ZNF385D: variants seen among roughly 807,000 people sequenced by gnomAD.
ZNF385D encodes the protein zinc finger protein 385D.
ZNF385D carries 15 observed loss-of-function variants against 35.8 expected under a neutral mutation model. The observed-to-expected ratio is 0.42, with a 90% CI of 0.28 to 0.64. The LOEUF (loss-of-function observed/expected upper bound fraction) is 0.64, where lower values mean the gene tolerates loss of function less well. ZNF385D is among the 30% of genes least tolerant of loss of function. The probability of loss-of-function intolerance (pLI) is 0.23; values close to 1 mark genes in which losing one functional copy is unlikely to be tolerated. For missense variants in ZNF385D, 474 were observed against 494.6 expected (o/e 0.96, Z 0.39); for synonymous variants, 212 against 186.8 (o/e 1.13, Z -1.10).
At chr3:22,044,663 T>C (rs1299414559) in intron 3 of ZNF385D, among the ~76,000 whole-genome samples, 1 of 152,076 alleles carries the variant, frequency 6.6e-6, no homozygotes, top group African/African-American at 2.4e-5. Context: ...AGGGCACAGA[T>C]TTATCCTTTG....
At chr3:22,223,459 C>T (rs1364746944) in intron 2 of ZNF385D, among the ~76,000 whole-genome samples, 1 of 151,996 alleles carries the variant, frequency 6.6e-6, no homozygotes, top group East Asian at 1.9e-4. Flanking sequence ...GGATTGAACA[C>T]TATTTTTTCT....
Position 21,506,836 on chromosome 3 carries a change from G to T in ZNF385D, c.439+4025C>A, listed in dbSNP as rs545402337. The stretch of plus-strand genomic sequence containing the variant: ...TCATTAGATCACAAGAACTAAAATT[G>T]TTCTTTAACGTTAGGAAGTGTGTTT... On this transcript the variant is annotated intron_variant, in intron 4 of 7. Coordinates refer to ENST00000281523, the MANE Select transcript of ZNF385D (RefSeq NM_024697.3). Among the ~76,000 whole-genome samples the T allele has an allele frequency of 2.6e-5, 4 of 152,190 alleles. No homozygotes were observed. The South Asian group carries it at 6.2e-4, about 24-fold the overall frequency.
At chr3:21,817,831 T>A (rs142672577) in intron 3 of ZNF385D, among the ~76,000 whole-genome samples, 1 of 152,144 alleles carries the variant, frequency 6.6e-6, no homozygotes, top group Non-Finnish European at 1.5e-5. Flanking sequence ...TGGGTATATA[T>A]CCAAAGGATT....
chr3:21,517,525 C>T (rs114397702), intron 3 of ZNF385D, among the ~76,000 whole-genome samples: 190 of 152,242 alleles, frequency 1.2e-3, no homozygotes, highest in African/African-American at 4.3e-3. Context: ...GTGTTAAATA[C>T]ATTGGCATAA....
At chr3:21,712,612 C>T (rs1050400684) in intron 1 of ZNF385D, among the ~76,000 whole-genome samples, 2 of 152,046 alleles carry the variant, frequency 1.3e-5, no homozygotes, top group African/African-American at 2.4e-5. Context: ...ATTTCACTGT[C>T]TATATATATT....
chr3:22,301,506 T>C (rs191591260), intron 2 of ZNF385D, among the ~76,000 whole-genome samples: 45 of 152,214 alleles, frequency 3.0e-4, no homozygotes, highest in African/African-American at 1.1e-3. Flanking sequence ...TGTATATATA[T>C]TTCAAAACAT....
intron 2 of ZNF385D, among the ~76,000 whole-genome samples, chr3:22,287,915 G>T (rs771764536): frequency 1.3e-4 from 20 of 151,764 alleles, no homozygotes; most frequent in Non-Finnish European, 2.8e-4. Flanking sequence ...TAAAAATTTT[G>T]TTAGCACTTT....
At chr3:21,900,271 C>T (rs1411462867) in intron 3 of ZNF385D, among the ~76,000 whole-genome samples, 1 of 152,052 alleles carries the variant, frequency 6.6e-6, no homozygotes, top group Non-Finnish European at 1.5e-5. Flanking sequence ...GCAAATTTAA[C>T]TCTAGTTGGA....
At chr3:22,025,391 A>T (rs996242723) in intron 3 of ZNF385D, among the ~76,000 whole-genome samples, 4 of 152,088 alleles carry the variant, frequency 2.6e-5, no homozygotes, top group African/African-American at 7.2e-5. Flanking sequence ...TGACGTTGAG[A>T]GTGTGACCCA....
intron 3 of ZNF385D, among the ~76,000 whole-genome samples, chr3:21,758,738 CTCTT>C (rs2070459059): frequency 6.6e-6 from 1 of 152,124 alleles, no homozygotes; most frequent in Middle Eastern, 3.4e-3. Flanking sequence ...TCTCATGCCT[CTCTT>C]TCTTTTTCTT....
chr3:22,139,315 C>A (rs577646967), intron 3 of ZNF385D, among the ~76,000 whole-genome samples: 6 of 152,164 alleles, frequency 3.9e-5, no homozygotes, highest in African/African-American at 1.4e-4. Context: ...CACATGTACA[C>A]ATATGTTTAA....
At chr3:22,078,927 G>C (rs1488504118) in intron 3 of ZNF385D, among the ~76,000 whole-genome samples, 2 of 152,004 alleles carry the variant, frequency 1.3e-5, no homozygotes, top group Admixed American at 1.3e-4. Context: ...GTCAAAAAAT[G>C]TGTGGAAATT....
chr3:21,953,958 G>C (rs1218280735), intron 3 of ZNF385D, among the ~76,000 whole-genome samples: 1 of 151,986 alleles, frequency 6.6e-6, no homozygotes, highest in African/African-American at 2.4e-5. Context: ...TGCTGAGCCA[G>C]ATTTATAAAA....
chr3:22,113,030 C>T lies in ZNF385D; in HGVS notation c.325+55787G>A, dbSNP rs149700691. Among the ~76,000 whole-genome samples the T allele has an allele frequency of 2.0e-4, 30 of 152,120 alleles. No homozygotes were observed. In the East Asian group the frequency reaches 4.3e-3, roughly 22 times the overall value. ...TGGTCAACCCCAACAATCTCTCGGT[C>T]GCATTTGTGGAAATGAAGTAGATTG... On this transcript the variant is annotated intron_variant, in intron 3 of 5. Transcript: ENST00000494108.
At chr3:21,554,580 AT>A (rs2062670561) in intron 3 of ZNF385D, among the ~76,000 whole-genome samples, 1 of 152,216 alleles carries the variant, frequency 6.6e-6, no homozygotes, top group African/African-American at 2.4e-5. Context: ...CCTTTGAAGC[AT>A]TAAAGCCAGA....
chr3:21,658,028 TAAA>T (rs1265506898), intron 2 of ZNF385D, among the ~76,000 whole-genome samples: 1 of 151,960 alleles, frequency 6.6e-6, no homozygotes, highest in East Asian at 1.9e-4. Context: ...CCAAAGATAA[TAAA>T]AACGTGAAAT....
chr3:21,424,301 T>TTATTTATATATATATA (rs1444235124), intron 6 of ZNF385D, among the ~76,000 whole-genome samples: 5 of 80,182 alleles, frequency 6.2e-5, no homozygotes, highest in African/African-American at 2.3e-4. Context: ...ATATATATAT[T>TTATTTATATATATATA]TATATATATA....
In ZNF385D at chr3:21,771,067, A is replaced by G. The variant is rs557997353; in HGVS notation, c.326-106039T>C. ...AAAACACTTGGACACAGGAAGGGGA[A>G]CATCACACACTGGGGCCTGTTGTGG... On this transcript the variant is annotated intron_variant, in intron 3 of 5. Transcript: ENST00000494108. Among the ~76,000 whole-genome samples, 6 of 139,412 alleles carry G rather than the reference A, an allele frequency of 4.3e-5. No homozygotes were observed. The South Asian group carries it at 1.0e-3, about 24-fold the overall frequency. The allele number at this position is 139,412 out of a possible 152,430, so 91.5% of individuals were successfully genotyped here.
intron 3 of ZNF385D, among the ~76,000 whole-genome samples, chr3:21,981,216 C>T (rs1178914994): frequency 6.6e-6 from 1 of 152,144 alleles, no homozygotes; most frequent in Non-Finnish European, 1.5e-5. Context: ...TTTCTGCAAC[C>T]TCACAAGCAT....
Sources: allele counts gnomAD v4.1 joint callset (sites outside exome capture counted in the v4.1 genomes callset), GRCh38; gene constraint gnomAD v4.1.1; transcripts MANE v1.5; gene names NCBI Gene and HGNC (gene_info 2026-07-23, HGNC 2026-07-21).